DYSF: variants seen among roughly 807,000 people sequenced by gnomAD.
DYSF encodes dysferlin, also known as dystrophy-associated fer-1-like 1.
In DYSF, 212 loss-of-function variants were observed where a neutral mutation model predicts 274.9. The ratio of observed to expected loss-of-function variants is 0.77; its 90% CI spans 0.69 to 0.86. The LOEUF (loss-of-function observed/expected upper bound fraction) is 0.86, where lower values mean the gene tolerates loss of function less well. Ranked by LOEUF, DYSF falls within the 40% of genes least tolerant of loss-of-function variation. The probability of loss-of-function intolerance (pLI) is 0.00; values close to 1 mark genes in which losing one functional copy is unlikely to be tolerated. For missense variants in DYSF, 2,666 were observed against 2,783.2 expected (o/e 0.96, Z 0.95); for synonymous variants, 1,091 against 1,078.7 (o/e 1.01, Z -0.22).
At chr2:71,537,777 C>G (rs535983994) in intron 16 of DYSF, among the ~76,000 whole-genome samples, 20 of 152,132 alleles carry the variant, frequency 1.3e-4, no homozygotes, top group Non-Finnish European at 2.8e-4. Context: ...CCAGGGTATG[C>G]CTTTCACAAT....
intron 24 of DYSF, 127 bp from the exon 25 acceptor site, chr2:71,567,824 G>A (rs952084483): frequency 8.6e-5 from 120 of 1,390,050 alleles, no homozygotes; most frequent in Non-Finnish European, 1.1e-4. Context: ...GCTCCCACAG[G>A]GGACACTCCC....
intron 4 of DYSF, among the ~76,000 whole-genome samples, chr2:71,505,833 A>T (rs1315353929): frequency 6.6e-6 from 1 of 152,272 alleles, no homozygotes; most frequent in Non-Finnish European, 1.5e-5. Context: ...TTAAAGCCAG[A>T]ATCGGATCAC....
chr2:71,575,051 C>T (rs1253340412), intron 30 of DYSF, among the ~76,000 whole-genome samples: 2 of 152,176 alleles, frequency 1.3e-5, no homozygotes, highest in Non-Finnish European at 2.9e-5. Context: ...CCAGGACTGG[C>T]ACCTCCCTAG....
intron 4 of DYSF, among the ~76,000 whole-genome samples, chr2:71,507,522 C>T (rs1231059533): frequency 6.6e-6 from 1 of 152,184 alleles, no homozygotes; most frequent in Admixed American, 6.5e-5. Flanking sequence ...TCCATGGGGG[C>T]AGGGACCTTT....
intron 41 of DYSF, among the ~76,000 whole-genome samples, chr2:71,628,951 CAAA>C (rs1553394311): frequency 7.5e-6 from 1 of 133,458 alleles, no homozygotes. Context: ...GACCCTGTTG[CAAA>C]AAAAAAAAAA....
intron 41 of DYSF, among the ~76,000 whole-genome samples, chr2:71,622,129 TG>T (rs370845952): frequency 0.036 from 4,553 of 126,174 alleles, 251 homozygotes; most frequent in African/African-American, 0.12. Context: ...ATGATTTCTT[TG>T]TTTTTTTTTT....
chr2:71,679,898 A>C (rs2095275002), intron 53 of DYSF, among the ~76,000 whole-genome samples: 1 of 152,228 alleles, frequency 6.6e-6, no homozygotes, highest in Non-Finnish European at 1.5e-5. Context: ...ATTTTTAAAA[A>C]GGTTTAGTCT....
chr2:71,668,651 G>C, intron 48 of DYSF, 103 bp from the exon 49 acceptor site: 1 of 1,122,214 alleles, frequency 8.9e-7, no homozygotes, highest in Non-Finnish European at 1.3e-6. Context: ...GGAAGGGCCT[G>C]GGTTTCTCTG....
At chr2:71,579,263 C>T (rs1284962051) in intron 30 of DYSF, among the ~76,000 whole-genome samples, 2 of 152,178 alleles carry the variant, frequency 1.3e-5, no homozygotes, top group African/African-American at 4.8e-5. Context: ...AGGATTTTTC[C>T]AAGCCCTGCC....
intron 30 of DYSF, among the ~76,000 whole-genome samples, chr2:71,581,400 A>G (rs1408086304): frequency 6.6e-6 from 1 of 152,236 alleles, no homozygotes; most frequent in Admixed American, 6.5e-5. Context: ...GGTTGCAATC[A>G]GCCCTGATTA....
chr2:71,649,815 CAAAATTTAAA>C (rs1276669625), intron 42 of DYSF, among the ~76,000 whole-genome samples: 1 of 152,118 alleles, frequency 6.6e-6, no homozygotes, highest in African/African-American at 2.4e-5. Context: ...TTACTAATTA[CAAAATTTAAA>C]TCAGATCTCA....
At chr2:71,456,271 C>G (rs1001612553) in intron 1 of DYSF, among the ~76,000 whole-genome samples, 1 of 152,178 alleles carries the variant, frequency 6.6e-6, no homozygotes, top group Non-Finnish European at 1.5e-5. Context: ...GGCTGGAGCC[C>G]CCACCCCTGG....
chr2:71,503,132 G>C, intron 3 of DYSF, 82 bp from the exon 4 acceptor site: 1 of 1,248,354 alleles, frequency 8.0e-7, no homozygotes, highest in Non-Finnish European at 1.2e-6. Flanking sequence ...AGCCTCATCT[G>C]AGTGGTGGCA....
chr2:71,525,199 G>A (rs145696322), intron 12 of DYSF, among the ~76,000 whole-genome samples: 31 of 152,048 alleles, frequency 2.0e-4, no homozygotes, highest in African/African-American at 7.2e-4. Context: ...GGTTTCCCAG[G>A]TGAGTCTTTT....
intron 30 of DYSF, among the ~76,000 whole-genome samples, chr2:71,580,371 C>T (rs1416198061): frequency 6.6e-6 from 1 of 152,208 alleles, no homozygotes; most frequent in African/African-American, 2.4e-5. Flanking sequence ...AGTTGGGAGT[C>T]AGAAGTGCAG....
rs1219777786 is a variant in DYSF at position 71,515,617 on chromosome 2, T to C, written c.760-6T>C. The C allele has an allele frequency of 6.2e-7, 1 of 1,613,936 alleles. No homozygotes were observed. The highest frequency in any genetic ancestry group is 1.7e-5 in the Admixed American group (1 of 60,002). ...CCTCCTGCTCTTTCCTCCTTCTGGCTTTCAGATCAGGGTCCAGGTGATCGA... is the reference window on the plus strand; with the variant it reads ...CCTCCTGCTCTTTCCTCCTTCTGGCCTTCAGATCAGGGTCCAGGTGATCGA... On this transcript the variant is annotated splice_region_variant and splice_polypyrimidine_tract_variant and intron_variant, in intron 7 of 55. Coordinates refer to ENST00000410020, the MANE Select transcript of DYSF (RefSeq NM_001130987.2).
At chr2:71,474,239 C>T (rs1439081999) in intron 1 of DYSF, among the ~76,000 whole-genome samples, 2 of 152,150 alleles carry the variant, frequency 1.3e-5, no homozygotes, top group Non-Finnish European at 2.9e-5. Flanking sequence ...TTTGACTACC[C>T]TAGGTACCTC....
chr2:71,594,099 G>C (rs1198453302), intron 32 of DYSF, among the ~76,000 whole-genome samples: 2 of 152,204 alleles, frequency 1.3e-5, no homozygotes, highest in African/African-American at 2.4e-5. Context: ...CTGCAGTGAG[G>C]TTTGATGAGC....
intron 51 of DYSF, among the ~76,000 whole-genome samples, chr2:71,672,832 G>A (rs1202304580): frequency 6.6e-6 from 1 of 152,232 alleles, no homozygotes; most frequent in Non-Finnish European, 1.5e-5. Context: ...CCGGAAAAGG[G>A]GGGAGGCACC....
Sources: allele counts gnomAD v4.1 joint callset (sites outside exome capture counted in the v4.1 genomes callset), GRCh38; gene constraint gnomAD v4.1.1; transcripts MANE v1.5; gene names NCBI Gene and HGNC (gene_info 2026-07-23, HGNC 2026-07-21).